OCA2: variants seen among roughly 807,000 people sequenced by gnomAD.
The protein encoded by OCA2 is P protein.
A neutral mutation model predicts 100.2 loss-of-function variants in OCA2; 77 were observed. The ratio of observed to expected loss-of-function variants is 0.77; its 90% CI spans 0.64 to 0.93. The LOEUF is 0.93. Ranked by LOEUF, OCA2 falls within the 40% of genes least tolerant of loss-of-function variation. OCA2 has a pLI of 0.00. For synonymous variants in OCA2, 432 were observed against 439.2 expected, an observed-to-expected ratio of 0.98 and a Z score of 0.21; for missense variants, 1,062 against 1,089.1, an observed-to-expected ratio of 0.98 and a Z score of 0.35.
At chr15:27,861,853 T>C (rs950389838) in intron 21 of OCA2, among the ~76,000 whole-genome samples, 22 of 152,088 alleles carry the variant, frequency 1.4e-4, no homozygotes, top group Non-Finnish European at 2.8e-4. Flanking sequence ...TGGATCCGCC[T>C]GCGAATGATC....
intron 19 of OCA2, among the ~76,000 whole-genome samples, chr15:27,892,628 A>G (rs1595588242): frequency 6.6e-6 from 1 of 152,186 alleles, no homozygotes; most frequent in East Asian, 1.9e-4. Flanking sequence ...CATATCAACA[A>G]TCTAAGTTCC....
At chr15:27,992,346 C>T (rs2041583559) in intron 9 of OCA2, among the ~76,000 whole-genome samples, 1 of 152,192 alleles carries the variant, frequency 6.6e-6, no homozygotes, top group Non-Finnish European at 1.5e-5. Context: ...GGTGATCCAC[C>T]CACCTCGCCT....
rs760224063 is a variant in OCA2 at position 28,072,589 on chromosome 15, C to CAA, written c.227+9057_227+9058dup. 9.3e-3 allele frequency among the ~76,000 whole-genome samples: 559 copies of CAA among 59,922 alleles called. 12 individuals carry two copies. The highest frequency in any genetic ancestry group is 0.024 in the African/African-American group (482 of 20,486). The allele number at this position is 59,922 out of a possible 152,430, so 39.3% of individuals were successfully genotyped here. A position where few individuals can be genotyped will look rare whatever the true frequency, so the allele number is the denominator to read the frequency against. ...TGGGCGACAGAGCAAGATTCCGTCTCAAAAAAAAAAAAAAAAAAAACAAGT... is the reference window on the plus strand; with the variant it reads ...TGGGCGACAGAGCAAGATTCCGTCTCAAAAAAAAAAAAAAAAAAAAAACAAGT... On this transcript the variant is annotated intron_variant, in intron 2 of 23. Coordinates refer to ENST00000354638, the MANE Select transcript of OCA2 (RefSeq NM_000275.3).
At chr15:27,821,215 A>G (rs962982246) in intron 23 of OCA2, among the ~76,000 whole-genome samples, 2 of 152,090 alleles carry the variant, frequency 1.3e-5, no homozygotes, top group Non-Finnish European at 2.9e-5. Context: ...GGTTATGCAC[A>G]CTCTTAAGAT....
intron 14 of OCA2, among the ~76,000 whole-genome samples, chr15:27,982,085 C>T (rs893080010): frequency 6.6e-5 from 10 of 152,162 alleles, no homozygotes; most frequent in Non-Finnish European, 1.2e-4. Flanking sequence ...GTTTGACTAT[C>T]CCAGGCAAGA....
intron 21 of OCA2, among the ~76,000 whole-genome samples, chr15:27,853,274 G>A (rs1317875875): frequency 1.5e-5 from 2 of 133,266 alleles, no homozygotes; most frequent in Admixed American, 1.5e-4. Context: ...TCCTTTGTAG[G>A]GACATGGATG....
intron 1 of OCA2, among the ~76,000 whole-genome samples, chr15:28,098,636 C>A (rs2045029121): frequency 6.6e-6 from 1 of 152,228 alleles, no homozygotes; most frequent in Non-Finnish European, 1.5e-5. Flanking sequence ...GGGAAGGGAG[C>A]ACCGGGCACT....
chr15:28,037,422 G>A (rs2043077608), intron 2 of OCA2, among the ~76,000 whole-genome samples: 1 of 152,090 alleles, frequency 6.6e-6, no homozygotes. Flanking sequence ...GTGACCAGGA[G>A]GGGTCCCTCA....
At chr15:27,835,719 G>A (rs559906055) in intron 23 of OCA2, among the ~76,000 whole-genome samples, 31 of 152,270 alleles carry the variant, frequency 2.0e-4, no homozygotes, top group East Asian at 7.8e-4. Context: ...ATGCAATGGC[G>A]TTGGCCTCTC....
At chr15:27,843,229 G>C (rs1385851963) in intron 23 of OCA2, among the ~76,000 whole-genome samples, 6 of 152,058 alleles carry the variant, frequency 3.9e-5, no homozygotes, top group Admixed American at 6.6e-5. Context: ...TGAGAACGAC[G>C]GCCTTCCAGG....
chr15:27,993,660 C>A (rs1312487249), intron 9 of OCA2, among the ~76,000 whole-genome samples: 2 of 152,166 alleles, frequency 1.3e-5, no homozygotes, highest in African/African-American at 4.8e-5. Context: ...CCACTGCCAC[C>A]ATCAACACCT....
At chr15:28,056,040 T>C (rs770680657) in intron 2 of OCA2, among the ~76,000 whole-genome samples, 1 of 152,026 alleles carries the variant, frequency 6.6e-6, no homozygotes, top group Non-Finnish European at 1.5e-5. Context: ...CCTAGGACAC[T>C]GTCCCCTGGT....
At chr15:27,968,584 C>T (rs1204769200) in intron 14 of OCA2, among the ~76,000 whole-genome samples, 2 of 152,142 alleles carry the variant, frequency 1.3e-5, no homozygotes, top group African/African-American at 4.8e-5. Context: ...TATGTGAAAT[C>T]ACTTTCAACA....
chr15:27,893,048 G>A (rs966279512), intron 19 of OCA2, among the ~76,000 whole-genome samples: 12 of 152,168 alleles, frequency 7.9e-5, no homozygotes, highest in Non-Finnish European at 1.3e-4. Context: ...CATGAAAGAC[G>A]TTGAATTATT....
chr15:27,869,085 T>G (rs11855445), intron 21 of OCA2, among the ~76,000 whole-genome samples: 2,383 of 152,326 alleles, frequency 0.016, 54 homozygotes, highest in African/African-American at 0.05. Flanking sequence ...TGGCTCCCCA[T>G]GTCCCTCCCG....
intron 23 of OCA2, among the ~76,000 whole-genome samples, chr15:27,775,980 C>T (rs1317666956): frequency 6.6e-6 from 1 of 152,222 alleles, no homozygotes; most frequent in African/African-American, 2.4e-5. Context: ...ATGTCCAGCA[C>T]CAAAGTTTTG....
intron 2 of OCA2, among the ~76,000 whole-genome samples, chr15:28,067,940 C>A (rs894233270): frequency 8.5e-5 from 13 of 152,158 alleles, no homozygotes; most frequent in African/African-American, 3.1e-4. Flanking sequence ...GTGTTGAAAT[C>A]TCCCACTATT....
At chr15:28,094,080 C>G (rs2044922100) in intron 1 of OCA2, among the ~76,000 whole-genome samples, 1 of 152,208 alleles carries the variant, frequency 6.6e-6, no homozygotes, top group Non-Finnish European at 1.5e-5. Context: ...TGGTCATCGC[C>G]TCTCATGCAG....
chr15:27,883,331 A>G (rs993060621), intron 19 of OCA2, among the ~76,000 whole-genome samples: 1 of 152,134 alleles, frequency 6.6e-6, no homozygotes, highest in African/African-American at 2.4e-5. Flanking sequence ...GTCCATATGT[A>G]GTTGATTTTT....
Sources: gnomAD v4.1 joint callset for allele counts (sites outside exome capture counted in the v4.1 genomes callset) on GRCh38, gnomAD v4.1.1 for gene constraint, MANE v1.5 for transcripts, NCBI Gene and HGNC (gene_info 2026-07-23, HGNC 2026-07-21) for gene names.